Variants in ENDOV observed in about 807,000 individuals in gnomAD.
ENDOV encodes hEndoV.
A neutral mutation model predicts 39.4 loss-of-function variants in ENDOV; 37 were observed. The ratio of observed to expected loss-of-function variants is 0.94; its 90% confidence interval spans 0.72 to 1.23. ENDOV has a LOEUF of 1.23. Among genes scored for constraint, ENDOV ranks in the 50% most tolerant of loss-of-function variants. The pLI is 0.00. For synonymous variants in ENDOV, 186 were observed against 163.4 expected (o/e 1.14, Z -1.05); for missense variants, 441 against 375.7 (o/e 1.17, Z -1.44).
intron 2 of ENDOV, among the ~76,000 whole-genome samples, chr17:80,416,748 CTCTG>C (rs2081262385): frequency 1.5e-5 from 2 of 135,572 alleles, no homozygotes; most frequent in Non-Finnish European, 3.1e-5. Context: ...TCCTTCCTCT[CTCTG>C]TCTCTCTTTC....
intron 2 of ENDOV, chr17:80,420,006 A>G (rs1032763415): frequency 3.4e-6 from 1 of 296,290 alleles, no homozygotes; most frequent in Non-Finnish European, 6.6e-6. Context: ...CATCCCCCCA[A>G]ATTGGAAAAG....
At chr17:80,419,791 A>G (rs1248334195) in intron 2 of ENDOV, 2 of 659,856 alleles carry the variant, frequency 3.0e-6, no homozygotes, top group Non-Finnish European at 5.6e-6. Flanking sequence ...AATCAAATGC[A>G]GGAACTTGGA....
At chr17:80,429,637 C>T (rs149711525) in intron 8 of ENDOV, 136 bp from the exon 9 acceptor site, 5 of 812,452 alleles carry the variant, frequency 6.2e-6, no homozygotes, top group African/African-American at 1.7e-5. Context: ...CGTGCTCTGC[C>T]CTGCCCTCTG....
At chr17:80,423,372 G>A (rs1046639438) in intron 4 of ENDOV, 148 bp from the exon 5 acceptor site, 5 of 755,708 alleles carry the variant, frequency 6.6e-6, no homozygotes, top group Non-Finnish European at 2.1e-6. Context: ...AGGTCTGCTT[G>A]GGACTTAGAT....
chr17:80,423,487 CT>C, intron 4 of ENDOV, 32 bp from the exon 5 acceptor site: 16 of 1,344,148 alleles, frequency 1.2e-5, no homozygotes, highest in Non-Finnish European at 1.3e-5. Context: ...CCAGCCCCAC[CT>C]CCCCAACCCC....
intron 9 of ENDOV, chr17:80,430,145 G>C: frequency 1.3e-6 from 2 of 1,520,174 alleles, no homozygotes; most frequent in Non-Finnish European, 1.8e-6. Context: ...GCCCCTCTTT[G>C]CTCCGTCATC....
intron 8 of ENDOV, 26 bp from the exon 9 acceptor site, chr17:80,429,747 T>C (rs2083174793): frequency 1.3e-6 from 2 of 1,588,654 alleles, no homozygotes; most frequent in African/African-American, 2.7e-5. Flanking sequence ...CATCTGATGC[T>C]GTCCCTTTCT....
chr17:80,417,512 A>T (rs971956592), intron 2 of ENDOV: 1 of 152,278 alleles, frequency 6.6e-6, no homozygotes, highest in African/African-American at 2.4e-5. Flanking sequence ...TGGAGGCTCA[A>T]GATCAGGGTG....
In ENDOV at chr17:80,436,398, G is replaced by A. The variant is rs2083597076; in HGVS notation, c.*255G>A. The A allele has an allele frequency of 7.1e-7, 1 of 1,399,488 alleles. No individual in the cohort carries two copies. The highest frequency in any genetic ancestry group is 2.2e-5 in the Admixed American group (1 of 44,648). The allele number at this position is 1,399,488 out of a possible 1,614,324, so 86.7% of individuals were successfully genotyped here. On this transcript the variant is annotated 3_prime_UTR_variant, in exon 10 of 10. Transcript: ENST00000518137. ...AGTCTTTCACCACTAGATGTGATGT[G>A]AGCTGTTAGATTTTCAAGGATGCTC...
chr17:80,430,440 G>T (rs551592655), intron 9 of ENDOV: 23 of 1,364,474 alleles, frequency 1.7e-5, no homozygotes, highest in East Asian at 1.3e-4. Context: ...CAAAATCAGG[G>T]TTCATTTTTA....
Position 80,415,711 on chromosome 17 carries a change from C to T in ENDOV, c.118C>T (p.Pro40Ser). 1 of 1,610,714 alleles carries T rather than the reference C, an allele frequency of 6.2e-7. No individual in the cohort carries two copies. The highest frequency in any genetic ancestry group is 1.7e-4 in the Middle Eastern group (1 of 6,018). The change falls in exon 2 of 10, where the codon CCC becomes TCC. Residue 40 changes from proline to serine, a missense_variant. Transcript: ENST00000518137. The part of the protein sequence containing the change: ...DRDTEAWQRD[P>S]AFSGLQRVGG... ...GGACACCGAGGCGTGGCAGCGAGAC[C>T]CCGCCTTCTCGGGTCTGCAGAGGGT... is the stretch of plus-strand genomic sequence containing the variant.
At chr17:80,429,361 A>T (rs2083123806) in intron 8 of ENDOV, among the ~76,000 whole-genome samples, 1 of 152,206 alleles carries the variant, frequency 6.6e-6, no homozygotes, top group South Asian at 2.1e-4. Context: ...CAGGCCCTGC[A>T]TCTGAGCCTC....
intron 5 of ENDOV, chr17:80,423,927 GA>G (rs2082369100): frequency 2.2e-6 from 1 of 446,356 alleles, no homozygotes; most frequent in African/African-American, 2.0e-5. Flanking sequence ...AGTTACTGGG[GA>G]CAGGACGGGC....
In ENDOV at chr17:80,419,821, T is replaced by G. The variant is rs2081750471; in HGVS notation, c.229-2007T>G. The G allele has an allele frequency of 4.8e-6, 3 of 625,680 alleles. No homozygotes were observed. The East Asian group carries it at 8.3e-5, about 17-fold the overall frequency. The allele number at this position is 625,680 out of a possible 1,614,324, so 38.8% of individuals were successfully genotyped here. ...CTTGGATGTGGTCTACCCAAGTCCC[T>G]AGACCTAACTGTCACCCACGCCATT... is the stretch of plus-strand genomic sequence containing the variant. On this transcript the variant is annotated intron_variant, in intron 2 of 9. Transcript: ENST00000518137.
rs985944879 is a variant in ENDOV at position 80,437,859 on chromosome 17, G to C, written c.*1716G>C. The C allele has an allele frequency of 6.6e-6, 1 of 152,214 alleles. No individual in the cohort carries two copies. Among genetic ancestry groups the C allele is most frequent in the African/African-American group, 2.4e-5 (1 of 41,442 alleles). 9.4% of individuals were successfully genotyped at this position (152,214 alleles called of 1,614,324 possible). A position where few individuals can be genotyped will look rare whatever the true frequency, so the allele number is the denominator to read the frequency against. ...GCTTCTGTAATCTGTAACCAGAAGT[G>C]CTCTTATGCCCAAACCTTGATGTGA... On this transcript the variant is annotated 3_prime_UTR_variant, in exon 10 of 10. Transcript: ENST00000518137.
chr17:80,425,523 C>A lies in ENDOV; in HGVS notation c.617C>A (p.Pro206His). The A allele has an allele frequency of 6.3e-7, 1 of 1,597,966 alleles. No homozygotes were observed. The highest frequency in any genetic ancestry group is 2.3e-5 in the East Asian group (1 of 44,420). The stretch of plus-strand genomic sequence containing the variant: ...AGGAGCCACGACCGCAGCACCAGGC[C>A]CCTCTACATCTCCGTGGGCCACAGG... The part of the protein sequence containing the change: ...ALRSHDRSTR[P>H]LYISVGHRMS... Residue 206 changes from proline to histidine, a missense_variant, in exon 7 of 10, where the codon CCC becomes CAC. Transcript: ENST00000518137.
In ENDOV at chr17:80,419,372, G is replaced by A. The variant is rs773200068; in HGVS notation, c.229-2456G>A. 12 of 542,414 alleles carry A rather than the reference G, an allele frequency of 2.2e-5. No individual in the cohort carries two copies. In the African/African-American group the frequency reaches 2.3e-4, roughly 10 times the overall value. The allele number at this position is 542,414 out of a possible 1,614,324, so 33.6% of individuals were successfully genotyped here. On this transcript the variant is annotated intron_variant, in intron 2 of 9. Transcript: ENST00000518137. ...AGCATCCCTGACAAACGATGGCGGA[G>A]CCCGTTCTGTGCCAGATGCTGAGCC...
intron 9 of ENDOV, among the ~76,000 whole-genome samples, chr17:80,431,720 C>T (rs1466955573): frequency 1.3e-5 from 2 of 152,182 alleles, no homozygotes; most frequent in Admixed American, 6.5e-5. Context: ...AGGACCCCAC[C>T]GGTGGACTGA....
chr17:80,423,483 C>CCCA, intron 4 of ENDOV, 37 bp from the exon 5 acceptor site: 3 of 1,314,602 alleles, frequency 2.3e-6, no homozygotes, highest in Non-Finnish European at 3.2e-6. Flanking sequence ...GGCCCCAGCC[C>CCCA]CACCTCCCCA....
Sources: gnomAD v4.1 joint callset for allele counts (sites outside exome capture counted in the v4.1 genomes callset) on GRCh38, gnomAD v4.1.1 for gene constraint, MANE v1.5 for transcripts, NCBI Gene and HGNC (gene_info 2026-07-23, HGNC 2026-07-21) for gene names.